KIAA2012: variants seen among roughly 807,000 people sequenced by gnomAD.
The protein encoded by KIAA2012 is KIAA2012.
KIAA2012 carries 125 observed loss-of-function variants against 150.6 expected under a neutral mutation model. The ratio of observed to expected loss-of-function variants is 0.83; its 90% CI spans 0.72 to 0.96. The LOEUF is 0.96. Among genes scored for constraint, KIAA2012 ranks in the 40% least tolerant of loss-of-function variants. KIAA2012 has a pLI of 0.00. For synonymous variants in KIAA2012, 462 were observed against 504.7 expected, an observed-to-expected ratio of 0.92 and a Z score of 1.13; for missense variants, 1,219 against 1,354.9, an observed-to-expected ratio of 0.90 and a Z score of 1.57.
intron 13 of KIAA2012, among the ~76,000 whole-genome samples, chr2:202,141,084 C>G (rs957486409): frequency 6.6e-6 from 1 of 152,198 alleles, no homozygotes; most frequent in East Asian, 1.9e-4. Flanking sequence ...ACAGGGTGCT[C>G]TGCAGAGGCT....
intron 23 of KIAA2012, among the ~76,000 whole-genome samples, chr2:202,202,992 C>A (rs1316996025): frequency 6.6e-6 from 1 of 151,946 alleles, no homozygotes; most frequent in African/African-American, 2.4e-5. Context: ...ATCTGCTTAA[C>A]CTCAACCCAC....
chr2:202,103,151 C>T, intron 8 of KIAA2012, 37 bp downstream of exon 8: 1 of 1,541,834 alleles, frequency 6.5e-7, no homozygotes, highest in Middle Eastern at 2.0e-4. Context: ...TGAGGGAGAG[C>T]CTGGGATGGG....
chr2:202,132,236 C>T (rs547926559), intron 12 of KIAA2012, among the ~76,000 whole-genome samples: 5 of 152,214 alleles, frequency 3.3e-5, no homozygotes, highest in East Asian at 1.9e-4. Flanking sequence ...TGGGACTCTG[C>T]TTACACAGGA....
intron 18 of KIAA2012, among the ~76,000 whole-genome samples, 182 bp downstream of exon 18, chr2:202,188,448 A>C (rs898239024): frequency 1.3e-5 from 2 of 152,204 alleles, no homozygotes; most frequent in African/African-American, 4.8e-5. Flanking sequence ...ACAGAGATAC[A>C]GGAAAACGGG....
chr2:202,159,120 C>T (rs575422686), intron 14 of KIAA2012, among the ~76,000 whole-genome samples: 13 of 152,128 alleles, frequency 8.5e-5, no homozygotes, highest in Non-Finnish European at 1.9e-4. Flanking sequence ...ATGCATCCCA[C>T]GAAGCAGAAG....
chr2:202,077,755 G>A (rs1689358308), intron 2 of KIAA2012, among the ~76,000 whole-genome samples: 2 of 152,116 alleles, frequency 1.3e-5, no homozygotes, highest in Non-Finnish European at 2.9e-5. Context: ...AGAATTGCTT[G>A]AGCCCAGGAG....
intron 4 of KIAA2012, among the ~76,000 whole-genome samples, chr2:202,096,205 T>G (rs918637202): frequency 6.6e-6 from 1 of 152,208 alleles, no homozygotes; most frequent in African/African-American, 2.4e-5. Context: ...AGTGTCTGGT[T>G]TGACCCCAAG....
At chr2:202,160,560 A>G (rs549630724) in intron 14 of KIAA2012, among the ~76,000 whole-genome samples, 84 of 152,070 alleles carry the variant, frequency 5.5e-4, no homozygotes, top group East Asian at 1.9e-3. Context: ...TGATCCGCCC[A>G]CCTTGGCCTC....
chr2:202,081,162 T>C (rs1016299666), intron 2 of KIAA2012, among the ~76,000 whole-genome samples: 5 of 152,276 alleles, frequency 3.3e-5, no homozygotes, highest in Admixed American at 1.3e-4. Flanking sequence ...GAATTCATGT[T>C]GTAGCATGTA....
intron 15 of KIAA2012, among the ~76,000 whole-genome samples, chr2:202,174,893 C>G (rs1482793250): frequency 6.6e-6 from 1 of 152,116 alleles, no homozygotes; most frequent in Non-Finnish European, 1.5e-5. Flanking sequence ...GTGCGCTGCA[C>G]CGAGAAATGA....
chr2:202,197,926 C>T (rs1692442934), intron 22 of KIAA2012: 1 of 148,336 alleles, frequency 6.7e-6, no homozygotes, highest in South Asian at 2.1e-4. Flanking sequence ...GTAATCCTAG[C>T]ACTTTGGGAG....
chr2:202,117,470 T>G (rs114249149), intron 11 of KIAA2012, among the ~76,000 whole-genome samples: 371 of 152,354 alleles, frequency 2.4e-3, no homozygotes, highest in African/African-American at 8.4e-3. Context: ...CATCTCTTAG[T>G]AGCTGTTACC....
chr2:202,097,456 G>C lies in KIAA2012; in HGVS notation c.707G>C (p.Gly236Ala), dbSNP rs1689915543. 2 of 1,550,598 alleles carry C rather than the reference G, an allele frequency of 1.3e-6. No individual in the cohort carries two copies. Among genetic ancestry groups the C allele is most frequent in the Non-Finnish European group, 1.7e-6 (2 of 1,146,986 alleles). The change falls in exon 5 of 24, where the codon GGG becomes GCG. Residue 236 changes from glycine (G) to alanine (A), a missense_variant. Gly to Ala is a moderately conservative substitution (Grantham distance 60). Coordinates refer to ENST00000498697, the MANE Select transcript of KIAA2012 (RefSeq NM_001277372.4). The stretch of plus-strand genomic sequence containing the variant: ...GCAGGTCAACAGGGCCTGGATGAAG[G>C]GGAAGCTGGAGCTGCTGGACACGTG... ...FEQRQQGLDE[G>A]EAGAAGHVDQ...
At chr2:202,122,976 A>C (rs897008347) in intron 11 of KIAA2012, among the ~76,000 whole-genome samples, 13 of 152,162 alleles carry the variant, frequency 8.5e-5, no homozygotes, top group Non-Finnish European at 1.5e-4. Flanking sequence ...CCTCAAGCCA[A>C]GTCAAAAGTC....
Position 202,111,340 on chromosome 2 carries a change from CAAAAAAA to C in KIAA2012, c.1651+1565_1651+1571del, listed in dbSNP as rs67625607. Among the ~76,000 whole-genome samples, 33 of 83,822 alleles carry C rather than the reference CAAAAAAA, an allele frequency of 3.9e-4. 1 individual carries two copies. Among genetic ancestry groups the C allele is most frequent in the Admixed American group, 3.5e-3 (26 of 7,352 alleles). The allele number at this position is 83,822 out of a possible 152,430, so 55.0% of individuals were successfully genotyped here. A position where few individuals can be genotyped will look rare whatever the true frequency, so the allele number is the denominator to read the frequency against. On this transcript the variant is annotated intron_variant, in intron 10 of 23. Coordinates refer to ENST00000498697, the MANE Select transcript of KIAA2012 (RefSeq NM_001277372.4). ...TGAAACCCCATCTCTACTAAAAATA[CAAAAAAA>C]AAAAAAAAAAAAATTAGCCAGGCAT...
At chr2:202,151,289 CG>C (rs1691421342) in intron 13 of KIAA2012, among the ~76,000 whole-genome samples, 1 of 151,824 alleles carries the variant, frequency 6.6e-6, no homozygotes, top group Non-Finnish European at 1.5e-5. Context: ...CCCAACTACT[CG>C]GTAGACTAAA....
chr2:202,201,900 C>G (rs902853661), intron 22 of KIAA2012: 3 of 1,010,354 alleles, frequency 3.0e-6, no homozygotes, highest in African/African-American at 1.6e-5. Context: ...GGCTGCAGGT[C>G]CGGTTCGTCT....
chr2:202,162,426 C>G (rs1439902984), intron 14 of KIAA2012, among the ~76,000 whole-genome samples: 1 of 151,792 alleles, frequency 6.6e-6, no homozygotes, highest in East Asian at 2.0e-4. Flanking sequence ...AGGCACGCAC[C>G]ACCACACCTG....
At chr2:202,139,480 A>G (rs1691153095) in intron 13 of KIAA2012, among the ~76,000 whole-genome samples, 2 of 152,108 alleles carry the variant, frequency 1.3e-5, no homozygotes, top group African/African-American at 4.8e-5. Flanking sequence ...CCAGGCCATG[A>G]TCTTGACTTC....
Sources: gnomAD v4.1 joint callset for allele counts (sites outside exome capture counted in the v4.1 genomes callset) on GRCh38, gnomAD v4.1.1 for gene constraint, MANE v1.5 for transcripts, NCBI Gene and HGNC (gene_info 2026-07-23, HGNC 2026-07-21) for gene names.